The following MMUT variants were observed in gnomAD, a reference collection of about 807,000 sequenced individuals.
The protein encoded by MMUT is methylmalonyl-CoA mutase.
In MMUT, 79 loss-of-function variants were observed where a neutral mutation model predicts 79.9. The ratio of observed to expected loss-of-function variants is 0.99; its 90% CI spans 0.82 to 1.19. The LOEUF (loss-of-function observed/expected upper bound fraction) is 1.19, where lower values mean the gene tolerates loss of function less well. Among genes scored for constraint, MMUT ranks in the 50% most tolerant of loss-of-function variants. The probability of loss-of-function intolerance (pLI) is 0.00; values close to 1 mark genes in which losing one functional copy is unlikely to be tolerated. For synonymous variants in MMUT, 273 were observed against 295.7 expected (o/e 0.92, Z 0.79); for missense variants, 860 against 917.2 (o/e 0.94, Z 0.81).
intron 8 of MMUT, 28 bp downstream of exon 8, chr6:49,447,638 TAAAA>T: frequency 9.3e-7 from 1 of 1,074,616 alleles, no homozygotes; most frequent in Non-Finnish European, 1.4e-6. Flanking sequence ...AGAAAATACT[TAAAA>T]AAAAAAAAAA....
chr6:49,433,099 T>A (rs114898652), intron 12 of MMUT, among the ~76,000 whole-genome samples: 43 of 152,372 alleles, frequency 2.8e-4, no homozygotes, highest in African/African-American at 1.0e-3. Context: ...TCCAATCTGT[T>A]TCCCCAGTAC....
intron 8 of MMUT, among the ~76,000 whole-genome samples, chr6:49,446,747 C>T (rs1767419013): frequency 6.6e-6 from 1 of 151,592 alleles, no homozygotes; most frequent in African/African-American, 2.4e-5. Context: ...CAAAATAAGG[C>T]TTATCATTAT....
chr6:49,434,284 A>G (rs1465042050), intron 12 of MMUT, among the ~76,000 whole-genome samples: 1 of 152,218 alleles, frequency 6.6e-6, no homozygotes, highest in Non-Finnish European at 1.5e-5. Flanking sequence ...TGTGTTGATT[A>G]TATCACATTA....
intron 9 of MMUT, among the ~76,000 whole-genome samples, chr6:49,444,355 T>C (rs1450133365): frequency 6.6e-6 from 1 of 151,894 alleles, no homozygotes; most frequent in East Asian, 1.9e-4. Flanking sequence ...TACTTGAGAG[T>C]CCAACACATT....
At chr6:49,432,831 A>T (rs1208829188) in intron 12 of MMUT, among the ~76,000 whole-genome samples, 1 of 152,180 alleles carries the variant, frequency 6.6e-6, no homozygotes, top group Non-Finnish European at 1.5e-5. Flanking sequence ...GAACCTGATC[A>T]TTATCCAGTA....
chr6:49,445,057 G>A (rs1767378552), intron 8 of MMUT, among the ~76,000 whole-genome samples: 1 of 151,924 alleles, frequency 6.6e-6, no homozygotes, highest in Non-Finnish European at 1.5e-5. Flanking sequence ...CTTTTCTAAA[G>A]TACCAAGACA....
At position 49,431,670 on chromosome 6, in the gene MMUT, CT is replaced by C; in HGVS notation, c.*57del. The C allele has an allele frequency of 6.4e-7, 1 of 1,556,102 alleles. No homozygotes were observed. Among genetic ancestry groups the C allele is most frequent in the Non-Finnish European group, 8.8e-7 (1 of 1,130,556 alleles). On this transcript the variant is annotated 3_prime_UTR_variant, in exon 13 of 13. Transcript: ENST00000274813. The stretch of plus-strand genomic sequence containing the variant: ...TAAATTGAAGACATAGCTTTACTCT[CT>C]TCTTTGATCATAACTAAAATAATAT...
chr6:49,443,711 C>T, intron 9 of MMUT: 1 of 370,046 alleles, frequency 2.7e-6, no homozygotes, highest in Non-Finnish European at 5.4e-6. Flanking sequence ...ATATTCTGTT[C>T]CAGGAACTAT....
Position 49,463,132 on chromosome 6 carries a change from G to A in MMUT, c.-69C>T, listed in dbSNP as rs1435025760. ...AGGCCTGTTTTGGACTCCGCTGTGG[G>A]AGAGGGCGGCTGCACTTCTGCGTCC... On this transcript the variant is annotated 5_prime_UTR_variant, in exon 1 of 13. Transcript: ENST00000274813. The A allele has an allele frequency of 3.3e-5, 5 of 152,380 alleles. No individual in the cohort carries two copies. The highest frequency in any genetic ancestry group is 1.2e-4 in the African/African-American group (5 of 41,434). 9.4% of individuals were successfully genotyped at this position (152,380 alleles called of 1,614,324 possible).
At chr6:49,456,277 AT>A in intron 3 of MMUT, 40 bp from the exon 4 acceptor site, 1 of 1,390,324 alleles carries the variant, frequency 7.2e-7, no homozygotes, top group Non-Finnish European at 1.0e-6. Context: ...ATAAGTAAAA[AT>A]ATTAAAAGGT....
At chr6:49,455,305 G>A (rs921299847) in intron 4 of MMUT, among the ~76,000 whole-genome samples, 2 of 152,132 alleles carry the variant, frequency 1.3e-5, no homozygotes, top group African/African-American at 2.4e-5. Flanking sequence ...GAAAATGAAA[G>A]TGAAAAAGGC....
At chr6:49,443,384 T>C (rs1034433091) in intron 9 of MMUT, among the ~76,000 whole-genome samples, 29 of 152,272 alleles carry the variant, frequency 1.9e-4, no homozygotes, top group African/African-American at 6.3e-4. Flanking sequence ...CAATGCACTG[T>C]ACATGAGGTA....
chr6:49,443,024 AT>A (rs887294127), intron 9 of MMUT, among the ~76,000 whole-genome samples: 26 of 148,912 alleles, frequency 1.7e-4, no homozygotes, highest in East Asian at 3.9e-4. Flanking sequence ...AAAGCAACAT[AT>A]TTTTTTAAAA....
chr6:49,443,898 G>A lies in MMUT; in HGVS notation c.1676+741C>T, dbSNP rs1014557906. 1.9e-5 allele frequency: 7 copies of A among 373,974 alleles called. No homozygotes were observed. The Admixed American group carries it at 2.2e-4, about 12-fold the overall frequency. 23.2% of individuals were successfully genotyped at this position (373,974 alleles called of 1,614,324 possible). A position where few individuals can be genotyped will look rare whatever the true frequency, so the allele number is the denominator to read the frequency against. The stretch of plus-strand genomic sequence containing the variant: ...ATGACAAAAGTTAGGAGACAAAGGA[G>A]CATGTTAAGGGTTACAAAGGCAAAA... On this transcript the variant is annotated intron_variant, in intron 9 of 12. Transcript: ENST00000274813.
intron 3 of MMUT, among the ~76,000 whole-genome samples, chr6:49,457,303 G>C (rs1767713039): frequency 6.6e-6 from 1 of 152,180 alleles, no homozygotes; most frequent in Non-Finnish European, 1.5e-5. Flanking sequence ...TTGCAGATAT[G>C]AGTGATAAGT....
chr6:49,460,953 A>C (rs1767824908), intron 1 of MMUT, among the ~76,000 whole-genome samples: 2 of 152,360 alleles, frequency 1.3e-5, no homozygotes, highest in African/African-American at 4.8e-5. Flanking sequence ...TCCACTGAGG[A>C]ACATTACTCC....
chr6:49,450,240 A>C (rs1029098075), intron 6 of MMUT, among the ~76,000 whole-genome samples: 1 of 151,802 alleles, frequency 6.6e-6, no homozygotes, highest in Non-Finnish European at 1.5e-5. Context: ...AAAAAAAAAA[A>C]AAAAAAAGAT....
chr6:49,436,813 C>A (rs2127413802), intron 11 of MMUT, among the ~76,000 whole-genome samples: 1 of 152,078 alleles, frequency 6.6e-6, no homozygotes, highest in East Asian at 1.9e-4. Flanking sequence ...GAAGCCATTA[C>A]CCTTAGCAAA....
chr6:49,458,576 G>T (rs911616284), intron 2 of MMUT, among the ~76,000 whole-genome samples: 2 of 152,052 alleles, frequency 1.3e-5, no homozygotes, highest in African/African-American at 4.8e-5. Flanking sequence ...AACCTTCCAT[G>T]GGCAATACAA....
Sources: allele counts gnomAD v4.1 joint callset (sites outside exome capture counted in the v4.1 genomes callset), GRCh38; gene constraint gnomAD v4.1.1; transcripts MANE v1.5; gene names NCBI Gene and HGNC (gene_info 2026-07-23, HGNC 2026-07-21).